Variants in BLMH observed in about 807,000 individuals in gnomAD.
The protein encoded by BLMH is bleomycin hydrolase.
Under a neutral mutation model 61.6 loss-of-function variants are expected in BLMH, and 32 were observed. The ratio of observed to expected loss-of-function variants is 0.52; its 90% confidence interval spans 0.39 to 0.70. BLMH has a LOEUF of 0.70. Ranked by LOEUF, BLMH falls within the 30% of genes least tolerant of loss-of-function variation. The pLI, the probability that BLMH is intolerant of heterozygous loss-of-function variation, is 0.00. For missense variants in BLMH, 460 were observed against 555.5 expected (o/e 0.83, Z 1.73); for synonymous variants, 183 against 193.8 (o/e 0.94, Z 0.46).
chr17:30,291,820 G>A lies in BLMH; in HGVS notation c.-1C>T. On this transcript the variant is annotated 5_prime_UTR_variant, in exon 1 of 12. Coordinates refer to ENST00000261714, the MANE Select transcript of BLMH (RefSeq NM_000386.4). ...GCGGCACCTCACCCGAGCTGCTCAT[G>A]GCGCCCACGCTGCCCGGCGGGGTAA... 2 of 1,361,252 alleles carry A rather than the reference G, an allele frequency of 1.5e-6. No individual in the cohort carries two copies. The highest frequency in any genetic ancestry group is 1.9e-6 in the Non-Finnish European group (2 of 1,061,550). The allele number at this position is 1,361,252 out of a possible 1,614,324, so 84.3% of individuals were successfully genotyped here. A position where few individuals can be genotyped will look rare whatever the true frequency, so the allele number is the denominator to read the frequency against.
At chr17:30,267,416 TAAACA>T (rs1340977919) in intron 10 of BLMH, among the ~76,000 whole-genome samples, 4 of 152,294 alleles carry the variant, frequency 2.6e-5, no homozygotes, top group African/African-American at 4.8e-5. Flanking sequence ...GAGTCTTTTT[TAAACA>T]AAACAAAACA....
intron 10 of BLMH, among the ~76,000 whole-genome samples, chr17:30,267,272 G>C (rs1908138094): frequency 6.6e-6 from 1 of 152,130 alleles, no homozygotes; most frequent in Non-Finnish European, 1.5e-5. Flanking sequence ...AATGCTACTT[G>C]ACTAAGAAAA....
At chr17:30,279,810 A>G (rs555520820) in intron 6 of BLMH, among the ~76,000 whole-genome samples, 2 of 152,326 alleles carry the variant, frequency 1.3e-5, no homozygotes, top group South Asian at 4.1e-4. Flanking sequence ...TCAAAAAAAT[A>G]AAAAAACAAA....
chr17:30,275,082 T>C (rs924658341), intron 6 of BLMH, among the ~76,000 whole-genome samples: 3 of 144,556 alleles, frequency 2.1e-5, no homozygotes, highest in African/African-American at 7.7e-5. Flanking sequence ...CCAGGCGTGG[T>C]GGCCTGTGCC....
At chr17:30,268,725 A>AAAAC (rs558900164) in intron 10 of BLMH, among the ~76,000 whole-genome samples, 38 of 151,340 alleles carry the variant, frequency 2.5e-4, no homozygotes, top group African/African-American at 7.6e-4. Context: ...TGTTTTTTTA[A>AAAAC]AAACAAACAA....
chr17:30,274,160 G>A lies in BLMH; in HGVS notation c.683C>T (p.Pro228Leu). The A allele has an allele frequency of 6.2e-7, 1 of 1,614,092 alleles. No individual in the cohort carries two copies. Among genetic ancestry groups the A allele is most frequent in the Non-Finnish European group, 8.5e-7 (1 of 1,180,018 alleles). ...TCGATATTCCCAGGTGAATGTCTCT[G>A]GTGGATTACCCAAACAGATGCACAC... Reference protein sequence around the residue: ...RVVCICLGNPPETFTWEYRDK... With the variant: ...RVVCICLGNPLETFTWEYRDK... The change falls in exon 7 of 12, where the codon CCA becomes CTA. Residue 228 changes from proline to leucine, a missense_variant. Pro to Leu is a moderately conservative substitution (Grantham distance 98). This residue lies in a region of BLMH where 310 missense variants were observed against 371.1 expected (regional missense o/e 0.84). Coordinates refer to ENST00000261714, the MANE Select transcript of BLMH (RefSeq NM_000386.4).
intron 7 of BLMH, chr17:30,273,463 G>A (rs1305033756): frequency 1.3e-5 from 2 of 156,258 alleles, no homozygotes; most frequent in Admixed American, 6.4e-5. Context: ...CACCGCACCC[G>A]GCCCTCAAAA....
rs35230693 is a variant in BLMH, at chr17:30,269,179, TG to T, written c.1146+2091del. On this transcript the variant is annotated intron_variant, in intron 10 of 11. Transcript: ENST00000261714. ...TCATGTATTTTATTTATTTATTTAT[TG>T]TTTTTTTTTTTTTTTGAGACAGAGT... Among the ~76,000 whole-genome samples, 395 of 144,434 alleles carry T rather than the reference TG, an allele frequency of 2.7e-3. 1 individual carries two copies. The South Asian group carries it at 0.031, about 11-fold the overall frequency. 94.8% of individuals were successfully genotyped at this position (144,434 alleles called of 152,430 possible). A position where few individuals can be genotyped will look rare whatever the true frequency, so the allele number is the denominator to read the frequency against.
intron 6 of BLMH, among the ~76,000 whole-genome samples, chr17:30,282,443 C>G (rs1445529100): frequency 6.6e-6 from 1 of 152,116 alleles, no homozygotes; most frequent in Admixed American, 6.5e-5. Context: ...GTCTTGAACT[C>G]CTGGCCTCAA....
intron 6 of BLMH, among the ~76,000 whole-genome samples, chr17:30,277,628 A>G (rs1336275943): frequency 6.6e-6 from 1 of 152,278 alleles, no homozygotes; most frequent in African/African-American, 2.4e-5. Context: ...GCCAGGCCCA[A>G]CTAAGATGAA....
chr17:30,256,834 T>C (rs1407968283), intron 11 of BLMH, among the ~76,000 whole-genome samples: 2 of 152,182 alleles, frequency 1.3e-5, no homozygotes, highest in Non-Finnish European at 2.9e-5. Flanking sequence ...TCCCCAACTA[T>C]GAAACAGATA....
At chr17:30,285,632 C>G in intron 5 of BLMH, 152 bp from the exon 6 acceptor site, 1 of 502,130 alleles carries the variant, frequency 2.0e-6, no homozygotes, top group East Asian at 3.4e-5. Context: ...TTCAACTTGT[C>G]CACTTAAACA....
At chr17:30,252,108 C>A in intron 11 of BLMH, 1 of 152,194 alleles carries the variant, frequency 6.6e-6, no homozygotes. Flanking sequence ...GAAGGAAATC[C>A]AGCCTCACAC....
At chr17:30,280,425 T>C (rs1355471559) in intron 6 of BLMH, among the ~76,000 whole-genome samples, 2 of 152,158 alleles carry the variant, frequency 1.3e-5, no homozygotes, top group African/African-American at 4.8e-5. Flanking sequence ...GTAAAAATAT[T>C]AGTTACTTCT....
At chr17:30,272,331 C>T (rs889667304) in intron 9 of BLMH, 6 of 555,270 alleles carry the variant, frequency 1.1e-5, no homozygotes, top group Admixed American at 3.2e-5. Context: ...GAACGCCCAA[C>T]GATTTCCACT....
intron 11 of BLMH, among the ~76,000 whole-genome samples, chr17:30,251,468 C>G (rs1907665855): frequency 6.6e-6 from 1 of 152,208 alleles, no homozygotes; most frequent in African/African-American, 2.4e-5. Context: ...CCAAGGGCTC[C>G]CGGACTAGCA....
At position 30,249,105 on chromosome 17, in the gene BLMH, T is replaced by C. The variant is rs754905327; in HGVS notation, c.1280A>G (p.Lys427Arg). 1 of 1,614,070 alleles carries C rather than the reference T, an allele frequency of 6.2e-7. No homozygotes were observed. Among genetic ancestry groups the C allele is most frequent in the South Asian group, 1.1e-5 (1 of 91,084 alleles). The change falls in exon 12 of 12, where the codon AAG (lysine) becomes AGG (arginine). Residue 427 changes from lysine to arginine, a missense_variant. Transcript: ENST00000261714. The stretch of plus-strand genomic sequence containing the variant: ...AGCTAGCACCTCTTCAGGGACATGC[T>C]TCCTGTCCACCACCACTTCGTAGAC... Reference protein sequence around the residue: ...EYVYEVVVDRKHVPEEVLAVL... With the variant: ...EYVYEVVVDRRHVPEEVLAVL...
Position 30,267,427 on chromosome 17 carries a change from A to G in BLMH, c.1147-473T>C, listed in dbSNP as rs77066196. Among the ~76,000 whole-genome samples the G allele has an allele frequency of 2.0e-3, 309 of 152,310 alleles. 7 individuals carry two copies. In the East Asian group the frequency reaches 0.054, roughly 27 times the overall value. On this transcript the variant is annotated intron_variant, in intron 10 of 11. Coordinates refer to ENST00000261714, the MANE Select transcript of BLMH (RefSeq NM_000386.4). ...GTCAGAGTCTTTTTTAAACAAAACA[A>G]AACAAACTCATCATACTGCCTGATT...
rs756355789 is a variant in BLMH at position 30,291,458 on chromosome 17, G to A, written c.64C>T (p.Pro22Ser). Reference sequence around the variant, plus strand: ...ACATTCTGGGCAAGTACGAACTGGGGGTCGGAATTCAGTTTCTGTATCAGA... The same window carrying A: ...ACATTCTGGGCAAGTACGAACTGGGAGTCGGAATTCAGTTTCTGTATCAGA... ...AALIQKLNSD[P>S]QFVLAQNVGT... Residue 22 changes from proline (P) to serine (S), a missense_variant, in exon 2 of 12, where the codon CCC becomes TCC. Around this residue, in one of 5 missense-constraint regions of BLMH, gnomAD observed 86 missense variants for 84.5 expected, o/e 1.02. Transcript: ENST00000261714. 10 of 1,614,092 alleles carry A rather than the reference G, an allele frequency of 6.2e-6. No homozygotes were observed. Among genetic ancestry groups the A allele is most frequent in the Non-Finnish European group, 8.5e-6 (10 of 1,180,046 alleles).
Sources: allele counts gnomAD v4.1 joint callset (sites outside exome capture counted in the v4.1 genomes callset), GRCh38; gene constraint gnomAD v4.1.1; regional missense constraint gnomAD v4.1.1; transcripts MANE v1.5; gene names NCBI Gene and HGNC (gene_info 2026-07-23, HGNC 2026-07-21).